Variants in SLC44A5 observed in about 807,000 individuals in gnomAD.
The protein encoded by SLC44A5 is solute carrier family 44 member 5.
In SLC44A5, 57 loss-of-function variants were observed where a neutral mutation model predicts 101.8. The observed-to-expected ratio is 0.56, with a 90% confidence interval of 0.45 to 0.70. The LOEUF is 0.70. Among genes scored for constraint, SLC44A5 ranks in the 30% least tolerant of loss-of-function variants. The pLI, the probability that SLC44A5 is intolerant of heterozygous loss-of-function variation, is 0.00. For missense variants in SLC44A5, 737 were observed against 853.1 expected, an observed-to-expected ratio of 0.86 and a Z score of 1.70; for synonymous variants, 281 against 290.9, an observed-to-expected ratio of 0.97 and a Z score of 0.35.
At chr1:75,346,135 G>A (rs932085126) in intron 3 of SLC44A5, among the ~76,000 whole-genome samples, 1 of 152,082 alleles carries the variant, frequency 6.6e-6, no homozygotes, top group South Asian at 2.1e-4. Context: ...ATGATTAATG[G>A]AAATGCAAAT....
intron 1 of SLC44A5, among the ~76,000 whole-genome samples, chr1:75,570,188 G>A (rs1673001194): frequency 6.6e-6 from 1 of 152,332 alleles, no homozygotes; most frequent in Non-Finnish European, 1.5e-5. Context: ...AAGAGCTACA[G>A]GTGCTGGCAT....
chr1:75,723,377 A>G, the SLC44A5 span, among the ~76,000 whole-genome samples: 1 of 151,592 alleles, frequency 6.6e-6, no homozygotes, highest in Non-Finnish European at 1.5e-5. Context: ...TCCTTTTCTA[A>G]GAGCAGCCTG....
At chr1:75,343,055 AT>A (rs1484199772) in intron 3 of SLC44A5, among the ~76,000 whole-genome samples, 3 of 152,192 alleles carry the variant, frequency 2.0e-5, no homozygotes, top group African/African-American at 7.2e-5. Context: ...CGTCTCTGGA[AT>A]AAATAGACTG....
intron 2 of SLC44A5, 115 bp from the exon 3 acceptor site, chr1:75,396,736 T>C: frequency 1.3e-6 from 1 of 791,608 alleles, no homozygotes; most frequent in South Asian, 1.4e-5. Flanking sequence ...ACACACAAAA[T>C]AACATAAGGC....
chr1:75,294,679 A>G (rs896654028), intron 5 of SLC44A5, among the ~76,000 whole-genome samples: 2 of 152,166 alleles, frequency 1.3e-5, no homozygotes, highest in African/African-American at 4.8e-5. Context: ...TACACACAAA[A>G]TGGAATATTT....
At chr1:75,212,556 G>A (rs1295326367) in intron 22 of SLC44A5, among the ~76,000 whole-genome samples, 1 of 152,082 alleles carries the variant, frequency 6.6e-6, no homozygotes, top group African/African-American at 2.4e-5. Context: ...GTATTCCATG[G>A]TGTATTTGTA....
chr1:75,535,504 C>T (rs1670948456), intron 2 of SLC44A5, among the ~76,000 whole-genome samples: 1 of 152,242 alleles, frequency 6.6e-6, no homozygotes, highest in African/African-American at 2.4e-5. Flanking sequence ...GTGATTCTCA[C>T]CTTAGCCCCC....
intron 2 of SLC44A5, among the ~76,000 whole-genome samples, chr1:75,443,206 T>G (rs1233945463): frequency 6.6e-6 from 1 of 151,906 alleles, no homozygotes; most frequent in Non-Finnish European, 1.5e-5. Flanking sequence ...TAAGAAATGC[T>G]GAAAATTAAT....
chr1:75,538,751 C>T (rs546754785), intron 2 of SLC44A5, among the ~76,000 whole-genome samples: 11 of 152,174 alleles, frequency 7.2e-5, no homozygotes, highest in Non-Finnish European at 1.6e-4. Flanking sequence ...AAATTCACAT[C>T]GGTTTCCAAT....
intron 5 of SLC44A5, among the ~76,000 whole-genome samples, chr1:75,298,526 C>A (rs1654147209): frequency 6.6e-6 from 1 of 152,038 alleles, no homozygotes; most frequent in Non-Finnish European, 1.5e-5. Flanking sequence ...GCATACACTC[C>A]TCTGTTTTGT....
intron 4 of SLC44A5, among the ~76,000 whole-genome samples, chr1:75,330,178 C>T (rs1656935301): frequency 8.2e-6 from 1 of 122,244 alleles, no homozygotes; most frequent in Non-Finnish European, 1.7e-5. Context: ...CGTATATATG[C>T]ATATATATAC....
At chr1:75,710,964 C>T in the SLC44A5 span, among the ~76,000 whole-genome samples, 1 of 152,178 alleles carries the variant, frequency 6.6e-6, no homozygotes, top group East Asian at 1.9e-4. Context: ...TTTCTCTCTA[C>T]CCATTGGCTT....
At chr1:75,234,270 C>T (rs1317541788) in intron 11 of SLC44A5, among the ~76,000 whole-genome samples, 172 bp from the exon 12 acceptor site, 1 of 152,080 alleles carries the variant, frequency 6.6e-6, no homozygotes, top group Non-Finnish European at 1.5e-5. Flanking sequence ...TCCATTAAGA[C>T]TTTCATATGA....
chr1:75,634,445 G>A, the SLC44A5 span, among the ~76,000 whole-genome samples: 1 of 151,590 alleles, frequency 6.6e-6, no homozygotes, highest in African/African-American at 2.4e-5. Context: ...AAACAGCATG[G>A]TACTGGTACC....
intron 2 of SLC44A5, among the ~76,000 whole-genome samples, chr1:75,463,310 C>T (rs1208837878): frequency 6.6e-6 from 1 of 151,024 alleles, no homozygotes; most frequent in East Asian, 2.0e-4. Context: ...GTCCCAGCTA[C>T]TCGGGAGGCT....
rs561894134 is a variant in SLC44A5 at position 75,222,168 on chromosome 1, C to G, written c.1085+193G>C. Among the ~76,000 whole-genome samples the G allele has an allele frequency of 4.6e-5, 7 of 152,178 alleles. No homozygotes were observed. The South Asian group carries it at 1.5e-3, about 32-fold the overall frequency. Reference sequence around the variant, plus strand: ...ACGGGGTTTCTCCATGTTGGTCAGGCTGGTCTCGAACTCCCGACCTCAGGT... The same window carrying G: ...ACGGGGTTTCTCCATGTTGGTCAGGGTGGTCTCGAACTCCCGACCTCAGGT... On this transcript the variant is annotated intron_variant, in intron 14 of 23. Coordinates refer to ENST00000370859, the MANE Select transcript of SLC44A5 (RefSeq NM_001130058.2).
upstream of SLC44A5, among the ~76,000 whole-genome samples, chr1:75,614,841 G>A (rs1284771312): frequency 2.0e-5 from 3 of 152,108 alleles, no homozygotes; most frequent in South Asian, 6.2e-4. Flanking sequence ...CACCGCGCAT[G>A]GTGTCGAGCC....
chr1:75,642,547 C>G, the SLC44A5 span, among the ~76,000 whole-genome samples: 1 of 151,500 alleles, frequency 6.6e-6, no homozygotes, highest in Non-Finnish European at 1.5e-5. Context: ...AATTCCTATT[C>G]TGATTGACTT....
intron 2 of SLC44A5, among the ~76,000 whole-genome samples, chr1:75,400,009 AGAAT>A (rs1463348479): frequency 6.6e-6 from 1 of 152,248 alleles, no homozygotes; most frequent in Non-Finnish European, 1.5e-5. Context: ...GCTGTTAAAA[AGAAT>A]GAAATCATGT....
Sources: gnomAD v4.1 joint callset for allele counts (sites outside exome capture counted in the v4.1 genomes callset) on GRCh38, gnomAD v4.1.1 for gene constraint, MANE v1.5 for transcripts, NCBI Gene and HGNC (gene_info 2026-07-23, HGNC 2026-07-21) for gene names.